SGCZ: variants seen among roughly 807,000 people sequenced by gnomAD.
The protein encoded by SGCZ is sarcoglycan zeta.
Under a neutral mutation model 41.3 loss-of-function variants are expected in SGCZ, and 40 were observed. The observed-to-expected ratio is 0.97, with a 90% CI of 0.75 to 1.26. The LOEUF is 1.26. Ranked by LOEUF, SGCZ falls within the 50% of genes most tolerant of loss-of-function variation. The pLI is 0.00. For synonymous variants in SGCZ, 206 were observed against 137.5 expected (o/e 1.50, Z -3.49); for missense variants, 552 against 369.8 (o/e 1.49, Z -4.04).
intron 2 of SGCZ, among the ~76,000 whole-genome samples, chr8:14,340,093 T>A (rs17119102): frequency 6.6e-6 from 1 of 152,144 alleles, no homozygotes; most frequent in Non-Finnish European, 1.5e-5. Context: ...GCTGAAGATA[T>A]GGTCAATTAC....
intron 2 of SGCZ, among the ~76,000 whole-genome samples, chr8:14,437,758 G>C (rs1585512264): frequency 6.6e-6 from 1 of 151,456 alleles, no homozygotes; most frequent in Non-Finnish European, 1.5e-5. Flanking sequence ...ATTGTTGCCT[G>C]ACTAAAAATA....
intron 1 of SGCZ, among the ~76,000 whole-genome samples, chr8:15,007,800 G>A (rs1005984625): frequency 2.0e-5 from 3 of 152,136 alleles, no homozygotes; most frequent in East Asian, 1.9e-4. Context: ...ATAGATAGCA[G>A]CATTTATTAT....
chr8:14,237,799 A>T, intron 3 of SGCZ, 120 bp from the exon 4 acceptor site: 2 of 780,594 alleles, frequency 2.6e-6, no homozygotes, highest in Admixed American at 2.6e-5. Flanking sequence ...TATATTAGAC[A>T]GTTAATTTAA....
chr8:14,271,175 T>C (rs1296697743), intron 3 of SGCZ, among the ~76,000 whole-genome samples: 1 of 151,966 alleles, frequency 6.6e-6, no homozygotes, highest in African/African-American at 2.4e-5. Flanking sequence ...TGTGCACATG[T>C]ACCGTAAAAC....
chr8:14,926,775 G>A lies in SGCZ; in HGVS notation c.39+310810C>T, dbSNP rs181080303. ...CCTGCCTCAGCCTCCCAAGTAGCTG[G>A]GATTACAGGCATGCGCCACCACACC... On this transcript the variant is annotated intron_variant, in intron 1 of 7. Coordinates refer to ENST00000382080, the MANE Select transcript of SGCZ (RefSeq NM_139167.4). 7.7e-3 allele frequency among the ~76,000 whole-genome samples: 1,173 copies of A among 152,046 alleles called. 11 individuals carry two copies. Among genetic ancestry groups the A allele is most frequent in the African/African-American group, 0.027 (1,100 of 41,474 alleles).
intron 1 of SGCZ, among the ~76,000 whole-genome samples, chr8:14,873,123 G>A (rs906636282): frequency 6.6e-6 from 1 of 152,092 alleles, no homozygotes. Context: ...ATGGAGTGAA[G>A]TGTATAAAAG....
At chr8:14,742,019 T>C (rs530635768) in intron 1 of SGCZ, among the ~76,000 whole-genome samples, 33 of 152,224 alleles carry the variant, frequency 2.2e-4, no homozygotes, top group African/African-American at 7.7e-4. Context: ...GGCATAATTA[T>C]TTATTGATTT....
chr8:14,678,830 A>G (rs900806639), intron 1 of SGCZ, among the ~76,000 whole-genome samples: 1 of 152,242 alleles, frequency 6.6e-6, no homozygotes, highest in African/African-American at 2.4e-5. Flanking sequence ...CACCCAGATG[A>G]TGGAATATTA....
chr8:14,571,191 A>C (rs1448223325), intron 1 of SGCZ, among the ~76,000 whole-genome samples: 1 of 152,130 alleles, frequency 6.6e-6, no homozygotes, highest in Non-Finnish European at 1.5e-5. Context: ...ATAGCAGGGG[A>C]AACCGCCACT....
Position 14,703,967 on chromosome 8 carries a change from T to C in SGCZ, c.40-149041A>G, listed in dbSNP as rs182145803. Among the ~76,000 whole-genome samples, 30 of 152,164 alleles carry C rather than the reference T, an allele frequency of 2.0e-4. 1 individual carries two copies. In the East Asian group the frequency reaches 4.2e-3, roughly 22 times the overall value. ...CTGAAGCAGCGAGATGTCAGTGAAC[T>C]GAATTGATGCTTTAATAATTGTGAT... is the stretch of plus-strand genomic sequence containing the variant. On this transcript the variant is annotated intron_variant, in intron 1 of 7. Coordinates refer to ENST00000382080, the MANE Select transcript of SGCZ (RefSeq NM_139167.4).
At chr8:14,689,497 A>G (rs1585184591) in intron 1 of SGCZ, among the ~76,000 whole-genome samples, 1 of 152,284 alleles carries the variant, frequency 6.6e-6, no homozygotes, top group East Asian at 1.9e-4. Context: ...GTTTTACAGT[A>G]GTTATTTTGA....
intron 6 of SGCZ, among the ~76,000 whole-genome samples, chr8:14,103,411 C>T (rs918862352): frequency 1.3e-5 from 2 of 152,132 alleles, no homozygotes; most frequent in African/African-American, 4.8e-5. Flanking sequence ...GATCGCCCTA[C>T]CACAGGACTT....
At chr8:15,041,901 T>C (rs1265050204) in intron 1 of SGCZ, among the ~76,000 whole-genome samples, 1 of 152,156 alleles carries the variant, frequency 6.6e-6, no homozygotes, top group African/African-American at 2.4e-5. Context: ...TTAGGTCTGG[T>C]CCTGAGTCCT....
intron 1 of SGCZ, among the ~76,000 whole-genome samples, chr8:14,948,118 C>A (rs2130831030): frequency 6.6e-6 from 1 of 152,252 alleles, no homozygotes; most frequent in Middle Eastern, 3.4e-3. Flanking sequence ...CTATTCTTTT[C>A]TTTAAGCAGA....
At chr8:14,243,724 G>A (rs1798974509) in intron 3 of SGCZ, among the ~76,000 whole-genome samples, 1 of 152,092 alleles carries the variant, frequency 6.6e-6, no homozygotes, top group African/African-American at 2.4e-5. Flanking sequence ...TCTTTATCAG[G>A]AAAAAGTATA....
At chr8:14,748,143 G>A (rs748547537) in intron 1 of SGCZ, among the ~76,000 whole-genome samples, 9 of 152,026 alleles carry the variant, frequency 5.9e-5, no homozygotes, top group Non-Finnish European at 1.3e-4. Context: ...TGAATATTAA[G>A]TTAATTGTAT....
At chr8:14,247,013 T>C (rs1563210281) in intron 3 of SGCZ, among the ~76,000 whole-genome samples, 2 of 152,058 alleles carry the variant, frequency 1.3e-5, no homozygotes, top group African/African-American at 2.4e-5. Context: ...AAGGAAGAAG[T>C]GCTTATTATG....
At chr8:14,496,270 C>G (rs4831296) in intron 2 of SGCZ, among the ~76,000 whole-genome samples, 1 of 151,750 alleles carries the variant, frequency 6.6e-6, no homozygotes, top group Non-Finnish European at 1.5e-5. Flanking sequence ...AAATCCACTA[C>G]GTTGCCCAGG....
At chr8:14,389,272 G>A (rs1008693052) in intron 2 of SGCZ, among the ~76,000 whole-genome samples, 2 of 151,818 alleles carry the variant, frequency 1.3e-5, no homozygotes, top group African/African-American at 4.8e-5. Context: ...TTTCCAGTAA[G>A]AGTGTAGGAG....
Sources: gnomAD v4.1 joint callset for allele counts (sites outside exome capture counted in the v4.1 genomes callset) on GRCh38, gnomAD v4.1.1 for gene constraint, MANE v1.5 for transcripts, NCBI Gene and HGNC (gene_info 2026-07-23, HGNC 2026-07-21) for gene names.